The following EPHB1 variants were observed in gnomAD, a reference collection of about 807,000 sequenced individuals.
The protein encoded by EPHB1 is ephrin type-B receptor 1.
Under a neutral mutation model 94.4 loss-of-function variants are expected in EPHB1, and 30 were observed. The observed-to-expected ratio is 0.32, with a 90% CI of 0.24 to 0.43. The LOEUF (loss-of-function observed/expected upper bound fraction) is 0.43. Among genes scored for constraint, EPHB1 ranks in the 20% least tolerant of loss-of-function variants. The pLI, the probability that EPHB1 is intolerant of heterozygous loss-of-function variation, is 1.00. For synonymous variants in EPHB1, 522 were observed against 489.1 expected, an observed-to-expected ratio of 1.07 and a Z score of -0.89; for missense variants, 1,055 against 1,308.3, an observed-to-expected ratio of 0.81 and a Z score of 2.99.
intron 15 of EPHB1, among the ~76,000 whole-genome samples, chr3:135,255,585 T>A (rs1286709396): frequency 1.3e-5 from 2 of 148,532 alleles, no homozygotes; most frequent in Non-Finnish European, 3.0e-5. Context: ...TGAGAGATAG[T>A]TTGTTATAAT....
At chr3:135,203,923 C>A (rs951795337) in intron 12 of EPHB1, among the ~76,000 whole-genome samples, 1 of 152,166 alleles carries the variant, frequency 6.6e-6, no homozygotes, top group Non-Finnish European at 1.5e-5. Flanking sequence ...TCCACCCTCA[C>A]AAAGGGTTGC....
At chr3:135,112,207 G>A (rs1939475229) in intron 4 of EPHB1, among the ~76,000 whole-genome samples, 1 of 152,180 alleles carries the variant, frequency 6.6e-6, no homozygotes, top group Non-Finnish European at 1.5e-5. Context: ...AGTGTAAATG[G>A]GTGATGGGCC....
At chr3:135,004,196 T>A (rs1457532602) in intron 3 of EPHB1, among the ~76,000 whole-genome samples, 1 of 151,524 alleles carries the variant, frequency 6.6e-6, no homozygotes, top group East Asian at 1.9e-4. Context: ...TGTAAAGTAT[T>A]TTATTTCTCC....
chr3:135,041,995 C>T (rs1260092086), intron 3 of EPHB1, among the ~76,000 whole-genome samples: 1 of 152,206 alleles, frequency 6.6e-6, no homozygotes. Context: ...AGTACAGTGG[C>T]ATGACCATGG....
chr3:135,046,287 C>T (rs1936995078), intron 3 of EPHB1, among the ~76,000 whole-genome samples: 1 of 152,184 alleles, frequency 6.6e-6, no homozygotes, highest in African/African-American at 2.4e-5. Context: ...TAAACTATAG[C>T]TCTTGCTACG....
chr3:135,185,955 G>A (rs1942317023), intron 10 of EPHB1, among the ~76,000 whole-genome samples: 1 of 152,204 alleles, frequency 6.6e-6, no homozygotes, highest in Non-Finnish European at 1.5e-5. Context: ...GGTCCTCATA[G>A]AATACCCTGG....
intron 15 of EPHB1, among the ~76,000 whole-genome samples, chr3:135,257,748 G>C (rs943090189): frequency 2.7e-5 from 4 of 150,006 alleles, no homozygotes; most frequent in African/African-American, 7.3e-5. Flanking sequence ...CACCCAGTTC[G>C]AGCTTCCCGG....
chr3:135,019,331 C>T (rs112729161), intron 3 of EPHB1, among the ~76,000 whole-genome samples: 2,802 of 152,232 alleles, frequency 0.018, 43 homozygotes, highest in Middle Eastern at 0.031. Context: ...GGCTTTAAAA[C>T]GGCTTCCACC....
chr3:134,949,194 A>G (rs1317170302), intron 2 of EPHB1, among the ~76,000 whole-genome samples: 1 of 152,124 alleles, frequency 6.6e-6, no homozygotes, highest in Non-Finnish European at 1.5e-5. Flanking sequence ...CTGCAAGGAT[A>G]CTGGCAGGAG....
intron 1 of EPHB1, among the ~76,000 whole-genome samples, chr3:134,798,315 A>G (rs1200659351): frequency 6.6e-6 from 1 of 152,124 alleles, no homozygotes; most frequent in African/African-American, 2.4e-5. Flanking sequence ...CAGGGCCCTA[A>G]GACACCCCCT....
chr3:134,946,459 TG>T (rs1264845779), intron 2 of EPHB1, among the ~76,000 whole-genome samples: 1 of 152,194 alleles, frequency 6.6e-6, no homozygotes, highest in East Asian at 1.9e-4. Flanking sequence ...TACCTGCCTT[TG>T]TTTGGCCCAG....
In EPHB1 at chr3:135,153,624, A is replaced by G. The variant is rs573715388; in HGVS notation, c.1298-528A>G. On this transcript the variant is annotated intron_variant, in intron 5 of 15. Coordinates refer to ENST00000398015, the MANE Select transcript of EPHB1 (RefSeq NM_004441.5). ...ATACCTCCTCTCTTCCTTTTAAAGT[A>G]TAATAAAATCTAACTTGCAGTATCA... Among the ~76,000 whole-genome samples the G allele has an allele frequency of 3.9e-5, 6 of 152,310 alleles. No homozygotes were observed. The South Asian group carries it at 1.2e-3, about 32-fold the overall frequency.
intron 3 of EPHB1, among the ~76,000 whole-genome samples, chr3:134,962,978 T>C (rs1933581110): frequency 1.3e-5 from 2 of 152,176 alleles, no homozygotes; most frequent in Non-Finnish European, 2.9e-5. Flanking sequence ...CTCTGGGCTG[T>C]TGCTTGCTGC....
chr3:135,010,558 GTTTTT>G (rs58579496), intron 3 of EPHB1, among the ~76,000 whole-genome samples: 8,558 of 110,388 alleles, frequency 0.078, 496 homozygotes, highest in African/African-American at 0.17. Context: ...ATTTTTTTCT[GTTTTT>G]TTTTTTTTTT....
At chr3:135,171,404 T>C (rs1941797403) in intron 9 of EPHB1, among the ~76,000 whole-genome samples, 1 of 152,174 alleles carries the variant, frequency 6.6e-6, no homozygotes, top group Non-Finnish European at 1.5e-5. Flanking sequence ...TCCTATTCAA[T>C]CTCTTGTTTG....
At chr3:134,835,662 C>T (rs1409422775) in intron 1 of EPHB1, among the ~76,000 whole-genome samples, 1 of 152,192 alleles carries the variant, frequency 6.6e-6, no homozygotes, top group Non-Finnish European at 1.5e-5. Context: ...TTTATCAAGC[C>T]AGGTGGGACA....
At chr3:135,108,180 C>T (rs144524570) in intron 4 of EPHB1, among the ~76,000 whole-genome samples, 187 of 152,258 alleles carry the variant, frequency 1.2e-3, no homozygotes, top group African/African-American at 4.3e-3. Context: ...GTTTAGTGTG[C>T]AGCCGTTGAC....
rs1348526508 is a variant in EPHB1, at chr3:135,241,156, G to A, written c.2355G>A (p.Lys785=). Residue 785 remains lysine (K), a synonymous_variant, in exon 13 of 16, where the codon AAG becomes AAA. Coordinates refer to ENST00000398015, the MANE Select transcript of EPHB1 (RefSeq NM_004441.5). The part of the protein sequence containing the change: ...DPTYTSSLGG[K]IPVRWTAPEA... ...GTTTCTCCTTCTTTCAGGGAGGGAA[G>A]ATCCCTGTGAGATGGACAGCTCCAG... 3.7e-6 allele frequency: 6 copies of A among 1,614,228 alleles called. No homozygotes were observed. The highest frequency in any genetic ancestry group is 5.1e-6 in the Non-Finnish European group (6 of 1,180,038).
At chr3:135,175,939 T>C (rs534988726) in intron 9 of EPHB1, among the ~76,000 whole-genome samples, 3 of 152,338 alleles carry the variant, frequency 2.0e-5, no homozygotes, top group South Asian at 4.1e-4. Context: ...AATTAAAAAC[T>C]GCTCACTGGC....
Sources: gnomAD v4.1 joint callset for allele counts (sites outside exome capture counted in the v4.1 genomes callset) on GRCh38, gnomAD v4.1.1 for gene constraint, MANE v1.5 for transcripts, NCBI Gene and HGNC (gene_info 2026-07-23, HGNC 2026-07-21) for gene names.